The following FOXN3 variants were observed in gnomAD, a reference collection of about 807,000 sequenced individuals.
FOXN3 encodes the protein forkhead box protein N3.
A neutral mutation model predicts 38.4 loss-of-function variants in FOXN3; 7 were observed. The observed-to-expected ratio is 0.18, with a 90% confidence interval of 0.10 to 0.34. The LOEUF is 0.34. Among genes scored for constraint, FOXN3 ranks in the 10% least tolerant of loss-of-function variants. FOXN3 has a pLI of 1.00. For synonymous variants in FOXN3, 230 were observed against 242.2 expected, an observed-to-expected ratio of 0.95 and a Z score of 0.47; for missense variants, 456 against 613.4, an observed-to-expected ratio of 0.74 and a Z score of 2.71.
At chr14:89,382,804 AC>A (rs944155463) in intron 2 of FOXN3, among the ~76,000 whole-genome samples, 1 of 152,196 alleles carries the variant, frequency 6.6e-6, no homozygotes, top group African/African-American at 2.4e-5. Context: ...TGTTTGAGGC[AC>A]AGAAAACACA....
At chr14:89,351,027 G>C in intron 2 of FOXN3, 1 of 350,034 alleles carries the variant, frequency 2.9e-6, no homozygotes, top group Non-Finnish European at 5.1e-6. Context: ...ATTATTACCA[G>C]GTTATGGTGA....
chr14:89,315,049 C>T (rs1887680211), intron 3 of FOXN3, among the ~76,000 whole-genome samples: 1 of 152,016 alleles, frequency 6.6e-6, no homozygotes, highest in South Asian at 2.1e-4. Flanking sequence ...TTCCTAAATG[C>T]ACTTGATAGA....
intron 4 of FOXN3, among the ~76,000 whole-genome samples, chr14:89,193,401 A>C (rs899365807): frequency 4.6e-4 from 70 of 152,302 alleles, no homozygotes; most frequent in Non-Finnish European, 1.6e-4. Context: ...AAACAGAAAG[A>C]GAGAAAGAAA....
At chr14:89,589,424 T>C (rs1345278061) in intron 1 of FOXN3, among the ~76,000 whole-genome samples, 3 of 152,156 alleles carry the variant, frequency 2.0e-5, no homozygotes, top group African/African-American at 7.2e-5. Context: ...AATCTCAAGA[T>C]GGCAGAAGGC....
At chr14:89,263,247 T>A (rs1421864247) in intron 4 of FOXN3, among the ~76,000 whole-genome samples, 1 of 152,236 alleles carries the variant, frequency 6.6e-6, no homozygotes, top group African/African-American at 2.4e-5. Flanking sequence ...GCAAAGGCCT[T>A]CTCAAGTTTT....
chr14:89,176,231 A>G (rs1887515035), intron 5 of FOXN3, among the ~76,000 whole-genome samples: 1 of 152,256 alleles, frequency 6.6e-6, no homozygotes, highest in Non-Finnish European at 1.5e-5. Context: ...ATTTCACATC[A>G]TAATTATATG....
At chr14:89,406,295 C>T (rs1242500264) in intron 2 of FOXN3, among the ~76,000 whole-genome samples, 1 of 151,964 alleles carries the variant, frequency 6.6e-6, no homozygotes, top group African/African-American at 2.4e-5. Context: ...TGGCATGCAC[C>T]TGTATTCTCA....
chr14:89,213,413 C>A (rs1884162918), intron 4 of FOXN3, among the ~76,000 whole-genome samples: 2 of 152,150 alleles, frequency 1.3e-5, no homozygotes, highest in African/African-American at 4.8e-5. Context: ...CCATATTTCT[C>A]TTTTTGCCTT....
intron 3 of FOXN3, among the ~76,000 whole-genome samples, chr14:89,285,736 G>C (rs573114955): frequency 1.3e-5 from 2 of 152,054 alleles, no homozygotes; most frequent in Non-Finnish European, 2.9e-5. Context: ...TCGGTACAGA[G>C]GTTCAGTTTT....
intron 1 of FOXN3, among the ~76,000 whole-genome samples, chr14:89,596,432 C>T (rs1246011482): frequency 2.0e-5 from 3 of 152,114 alleles, no homozygotes; most frequent in Non-Finnish European, 4.4e-5. Context: ...ACACTGTGCC[C>T]GGCCTTGTTT....
At chr14:89,613,947 G>C (rs1896444856) in intron 1 of FOXN3, among the ~76,000 whole-genome samples, 1 of 152,214 alleles carries the variant, frequency 6.6e-6, no homozygotes, top group South Asian at 2.1e-4. Flanking sequence ...GAGTGGAACT[G>C]AAGGGGATTC....
upstream of FOXN3, among the ~76,000 whole-genome samples, chr14:89,421,622 G>T (rs1281540553): frequency 1.3e-5 from 2 of 150,448 alleles, no homozygotes; most frequent in Non-Finnish European, 3.0e-5. Flanking sequence ...TGCCTCTGGG[G>T]TTCAAGCAAT....
At chr14:89,362,898 G>A (rs1314010844) in intron 2 of FOXN3, among the ~76,000 whole-genome samples, 1 of 151,552 alleles carries the variant, frequency 6.6e-6, no homozygotes, top group Non-Finnish European at 1.5e-5. Context: ...TGGATCGTTG[G>A]GCCTGATTTT....
intron 3 of FOXN3, among the ~76,000 whole-genome samples, chr14:89,320,620 A>C (rs1168244700): frequency 1.3e-5 from 2 of 152,208 alleles, no homozygotes; most frequent in Admixed American, 1.3e-4. Context: ...CAAACCCCTC[A>C]TGGGTCTCCT....
chr14:89,440,354 T>TTTCA (rs1327380548), intron 1 of FOXN3, among the ~76,000 whole-genome samples: 2 of 152,196 alleles, frequency 1.3e-5, no homozygotes, highest in Non-Finnish European at 2.9e-5. Flanking sequence ...GAGACCCCTA[T>TTTCA]TTCAGTACTG....
intron 1 of FOXN3, among the ~76,000 whole-genome samples, chr14:89,592,087 G>A (rs1895965960): frequency 6.6e-6 from 1 of 152,030 alleles, no homozygotes; most frequent in African/African-American, 2.4e-5. Context: ...AACTTAAAAG[G>A]TCTTGGAAAT....
intron 3 of FOXN3, among the ~76,000 whole-genome samples, chr14:89,328,654 G>T (rs1888148794): frequency 6.6e-6 from 1 of 152,228 alleles, no homozygotes. Context: ...AGCAGCACTA[G>T]ATGAATGGGC....
intron 4 of FOXN3, among the ~76,000 whole-genome samples, chr14:89,230,246 A>G (rs1450334371): frequency 6.6e-6 from 1 of 152,202 alleles, no homozygotes; most frequent in African/African-American, 2.4e-5. Context: ...TTTCATTTCT[A>G]TATCCCAGGG....
At chr14:89,442,272 A>ACCTTC (rs2139697778) in intron 1 of FOXN3, among the ~76,000 whole-genome samples, 1 of 152,070 alleles carries the variant, frequency 6.6e-6, no homozygotes, top group South Asian at 2.1e-4. Context: ...AAATCATCCA[A>ACCTTC]CCTTCCCTTC....
Sources: gnomAD v4.1 joint callset for allele counts (sites outside exome capture counted in the v4.1 genomes callset) on GRCh38, gnomAD v4.1.1 for gene constraint, MANE v1.5 for transcripts, NCBI Gene and HGNC (gene_info 2026-07-23, HGNC 2026-07-21) for gene names.